Variants in ATP1A3 observed in about 807,000 individuals in gnomAD.
ATP1A3 encodes ATPase Na+/K+ transporting subunit alpha 3, also known as sodium/potassium-transporting ATPase subunit alpha-3.
ATP1A3 carries 12 observed loss-of-function variants against 108.8 expected under a neutral mutation model. The ratio of observed to expected loss-of-function variants is 0.11; its 90% confidence interval spans 0.07 to 0.18. The LOEUF (loss-of-function observed/expected upper bound fraction) is 0.18. Among genes scored for constraint, ATP1A3 ranks in the 10% least tolerant of loss-of-function variants. ATP1A3 has a pLI of 1.00. For missense variants in ATP1A3, 498 were observed against 1,387.7 expected, an observed-to-expected ratio of 0.36 and a Z score of 10.19; for synonymous variants, 539 against 564.5, an observed-to-expected ratio of 0.95 and a Z score of 0.64.
At chr19:41,970,724 C>T (rs373177024) in intron 16 of ATP1A3, among the ~76,000 whole-genome samples, 182 bp from the exon 17 acceptor site, 141 of 150,370 alleles carry the variant, frequency 9.4e-4, no homozygotes, top group African/African-American at 3.1e-3. Context: ...CTCCGCCTCC[C>T]GGGTTCACGC....
Position 41,966,710 on chromosome 19 carries a change from G to T in ATP1A3, c.*227C>A. On this transcript the variant is annotated 3_prime_UTR_variant, in exon 23 of 23. Coordinates refer to ENST00000648268, the MANE Select transcript of ATP1A3 (RefSeq NM_152296.5). ...CGGGAGGAATGGATAGAGGGGTGAG[G>T]AGAGGGAGAGAAACTGACACAGAAA... 6.5e-7 allele frequency: 1 copy of T among 1,538,558 alleles called. No individual in the cohort carries two copies. Among genetic ancestry groups the T allele is most frequent in the African/African-American group, 1.4e-5 (1 of 72,642 alleles).
chr19:41,969,690 C>T, intron 18 of ATP1A3, 110 bp from the exon 19 acceptor site: 1 of 1,429,462 alleles, frequency 7.0e-7, no homozygotes, highest in African/African-American at 1.4e-5. Context: ...GTATGCCCTC[C>T]TGGCCCTGTT....
Position 41,976,484 on chromosome 19 carries a change from T to C in ATP1A3, c.2026A>G (p.Thr676Ala). ...GATGTGCGGGCGAAGACGATCTCGG[T>C]GTGATTCTGCAGGATCTCGTCGATT... is the stretch of plus-strand genomic sequence containing the variant. ...EQIDEILQNH[T>A]EIVFARTSPQ... The change falls in exon 15 of 23, where the codon ACC becomes GCC. Residue 676 changes from threonine to alanine, a missense_variant. Physicochemically the swap from Thr to Ala is moderately conservative, Grantham distance 58 (BLOSUM62 0). Transcript: ENST00000648268. The C allele has an allele frequency of 6.2e-7, 1 of 1,614,160 alleles. No individual in the cohort carries two copies. Among genetic ancestry groups the C allele is most frequent in the Non-Finnish European group, 8.5e-7 (1 of 1,180,032 alleles).
At position 41,966,858 on chromosome 19, in the gene ATP1A3, T is replaced by A; in HGVS notation, c.*79A>T. Reference sequence around the variant, plus strand: ...GAAGAGAGGGCTCCTCCCCCCAGAATACAAAATTGGGGGGACTGACAGGGG... The same window carrying A: ...GAAGAGAGGGCTCCTCCCCCCAGAAAACAAAATTGGGGGGACTGACAGGGG... On this transcript the variant is annotated 3_prime_UTR_variant, in exon 23 of 23. Coordinates refer to ENST00000648268, the MANE Select transcript of ATP1A3 (RefSeq NM_152296.5). The A allele has an allele frequency of 1.3e-6, 2 of 1,544,508 alleles. No individual in the cohort carries two copies. The highest frequency in any genetic ancestry group is 1.7e-6 in the Non-Finnish European group (2 of 1,144,348).
intron 8 of ATP1A3, chr19:41,984,571 G>A (rs1189637872): frequency 1.5e-5 from 4 of 269,340 alleles, no homozygotes; most frequent in Admixed American, 4.9e-5. Flanking sequence ...TTTTCATCAT[G>A]AGCGTGCACT....
In ATP1A3 at chr19:41,968,009, GACAGAC is replaced by G. The variant is rs1423604186; in HGVS notation, c.2820-252_2820-247del. 1.4e-5 allele frequency among the ~76,000 whole-genome samples: 2 copies of G among 139,144 alleles called. No individual in the cohort carries two copies. The highest frequency in any genetic ancestry group is 3.1e-5 in the Non-Finnish European group (2 of 65,358). 91.3% of individuals were successfully genotyped at this position (139,144 alleles called of 152,430 possible). On this transcript the variant is annotated intron_variant, in intron 20 of 22. Transcript: ENST00000648268. This position sits in a 1 kb window ranked among gnomAD's most constrained non-coding sequence, Gnocchi z 5.0. ...AGACAGGGACAGACACAGAGACAGG[GACAGAC>G]ACAGAGACAGACAGGGACAGACAGA...
chr19:41,986,119 G>C lies in ATP1A3; in HGVS notation c.468C>G (p.Pro156=), dbSNP rs1035085048. The stretch of plus-strand genomic sequence containing the variant: ...CCCCTTGCTGGGCACCCTTCACCTG[G>C]GGCACCATGTTCTTGAAGGACTCCA... The part of the protein sequence containing the change: ...KIMESFKNMV[P]QQALVIREGE... The change falls in exon 5 of 23, where the codon CCC becomes CCG. Residue 156 remains proline (P), a synonymous_variant. Transcript: ENST00000648268. The C allele has an allele frequency of 1.6e-5, 26 of 1,613,996 alleles. No homozygotes were observed. Among genetic ancestry groups the C allele is most frequent in the Non-Finnish European group, 1.9e-5 (23 of 1,180,016 alleles).
At chr19:41,977,836 A>G in intron 14 of ATP1A3, 100 bp downstream of exon 14, 1 of 1,524,824 alleles carries the variant, frequency 6.6e-7, no homozygotes, top group Non-Finnish European at 8.9e-7. Flanking sequence ...TCCCAGAAAG[A>G]ATGGGACAGG....
At chr19:41,970,149 C>A (rs1555859464) in intron 18 of ATP1A3, 36 bp downstream of exon 18, 2 of 1,614,106 alleles carry the variant, frequency 1.2e-6, no homozygotes, top group Admixed American at 1.7e-5. Flanking sequence ...AGGCCCGGCA[C>A]TGGGTGGTAA....
rs1361308710 is a variant in ATP1A3, at chr19:41,981,343, C to T, written c.1437+159G>A. Among the ~76,000 whole-genome samples, 2 of 151,984 alleles carry T rather than the reference C, an allele frequency of 1.3e-5. No homozygotes were observed. The highest frequency in any genetic ancestry group is 2.1e-4 in the South Asian group (1 of 4,812). The stretch of plus-strand genomic sequence containing the variant: ...CTCAGCGTCTCACTCCAACAGAGAT[C>T]CGGCTCCCACTCTCAAGCTCTCCCT... On this transcript the variant is annotated intron_variant, in intron 11 of 22. Transcript: ENST00000648268. The surrounding 1 kb of genome is among the most constrained non-coding windows in gnomAD (Gnocchi z 5.0).
chr19:41,969,036 GGT>G, intron 19 of ATP1A3, 121 bp from the exon 20 acceptor site: 1 of 1,452,808 alleles, frequency 6.9e-7, no homozygotes, highest in Non-Finnish European at 9.5e-7. Context: ...CAGGGCCTCA[GGT>G]GTGTCTTCCT....
rs782171105 is a variant in ATP1A3, at chr19:41,988,175, G to C, written c.154-36C>G. The C allele has an allele frequency of 5.0e-6, 8 of 1,613,706 alleles. No homozygotes were observed. Among genetic ancestry groups the C allele is most frequent in the Non-Finnish European group, 5.9e-6 (7 of 1,179,768 alleles). ...GAGGACTCACACAGAACCCTCCCTG[G>C]GCAACCCTGGCACCCCAGGCCTTCA... On this transcript the variant is annotated intron_variant, in intron 3 of 22. Transcript: ENST00000648268. The surrounding 1 kb of genome is among the most constrained non-coding windows in gnomAD (Gnocchi z 5.3).
At chr19:41,979,709 G>A (rs1555862677) in intron 11 of ATP1A3, among the ~76,000 whole-genome samples, 1 of 152,152 alleles carries the variant, frequency 6.6e-6, no homozygotes, top group Non-Finnish European at 1.5e-5. Context: ...AGGAGGGGGC[G>A]GGTGACAGCT....
Position 41,983,303 on chromosome 19 carries a change from C to T in ATP1A3, c.994-1197G>A, listed in dbSNP as rs537167698. On this transcript the variant is annotated intron_variant, in intron 8 of 22. Transcript: ENST00000648268. ...ATGTTGGCCAGGCTGGTCTTGAACT[C>T]CTGACCTCAAGTGATCCACCCACCT... Among the ~76,000 whole-genome samples the T allele has an allele frequency of 8.6e-5, 13 of 151,924 alleles. No homozygotes were observed. In the East Asian group the frequency reaches 2.5e-3, roughly 29 times the overall value.
chr19:41,987,082 A>G (rs1052437247), intron 4 of ATP1A3, among the ~76,000 whole-genome samples: 13 of 152,098 alleles, frequency 8.5e-5, no homozygotes, highest in African/African-American at 3.1e-4. Context: ...CCTCCTGCAC[A>G]TGTTGAGTCT....
Position 41,967,399 on chromosome 19 carries a change from A to G in ATP1A3, c.2922-59T>C. ...GGGCCCTAACGAGAGGCAGAGTTTC[A>G]GGGGACTGGAGGGGACGCAGAGGGG... On this transcript the variant is annotated intron_variant, in intron 21 of 22. Transcript: ENST00000648268. The surrounding 1 kb of genome is among the most constrained non-coding windows in gnomAD (Gnocchi z 4.2). 6.5e-7 allele frequency: 1 copy of G among 1,528,060 alleles called. No individual in the cohort carries two copies. Among genetic ancestry groups the G allele is most frequent in the Non-Finnish European group, 8.9e-7 (1 of 1,120,468 alleles). The allele number at this position is 1,528,060 out of a possible 1,614,324, so 94.7% of individuals were successfully genotyped here.
intron 16 of ATP1A3, among the ~76,000 whole-genome samples, chr19:41,973,941 G>A (rs1555860457): frequency 6.6e-6 from 1 of 151,994 alleles, no homozygotes; most frequent in Non-Finnish European, 1.5e-5. Flanking sequence ...CCCAGGAGTT[G>A]AAGACCTCGC....
chr19:41,978,468 C>T lies in ATP1A3; in HGVS notation c.1630+138G>A. 1 of 1,482,688 alleles carries T rather than the reference C, an allele frequency of 6.7e-7. No individual in the cohort carries two copies. Among genetic ancestry groups the T allele is most frequent in the Non-Finnish European group, 9.2e-7 (1 of 1,084,836 alleles). The allele number at this position is 1,482,688 out of a possible 1,614,324, so 91.8% of individuals were successfully genotyped here. A position where few individuals can be genotyped will look rare whatever the true frequency, so the allele number is the denominator to read the frequency against. Reference sequence around the variant, plus strand: ...CATTCATTTCCTAGGATACCTTCCCCTCTCATCCATCCATTCATTCATTCA... The same window carrying T: ...CATTCATTTCCTAGGATACCTTCCCTTCTCATCCATCCATTCATTCATTCA... On this transcript the variant is annotated intron_variant, in intron 12 of 22. Transcript: ENST00000648268. The surrounding 1 kb of genome is among the most constrained non-coding windows in gnomAD (Gnocchi z 8.3).
rs1555863283 is a variant in ATP1A3 at position 41,981,475 on chromosome 19, C to A, written c.1437+27G>T. 1.9e-6 allele frequency: 3 copies of A among 1,614,172 alleles called. No individual in the cohort carries two copies. The highest frequency in any genetic ancestry group is 1.7e-5 in the Admixed American group (1 of 60,024). On this transcript the variant is annotated intron_variant, in intron 11 of 22. Coordinates refer to ENST00000648268, the MANE Select transcript of ATP1A3 (RefSeq NM_152296.5). This position sits in a 1 kb window ranked among gnomAD's most constrained non-coding sequence, Gnocchi z 5.0. ...CGTCATAAGGAACCTGAGGTCCAGG[C>A]TGGCTCTCCCGGAAAGCCCAGAGTA...
Sources: gnomAD v4.1 joint callset for allele counts (sites outside exome capture counted in the v4.1 genomes callset) on GRCh38, gnomAD v4.1.1 for gene constraint, Gnocchi (gnomAD v3.1) non-coding constraint, MANE v1.5 for transcripts, NCBI Gene and HGNC (gene_info 2026-07-23, HGNC 2026-07-21) for gene names.